ARV1: variants seen among roughly 807,000 people sequenced by gnomAD.
ARV1 encodes ARV1 fatty acid homeostasis modulator.
A neutral mutation model predicts 31.1 loss-of-function variants in ARV1; 26 were observed. The ratio of observed to expected loss-of-function variants is 0.84; its 90% confidence interval spans 0.61 to 1.16. The LOEUF is 1.16. Ranked by LOEUF, ARV1 falls within the 50% of genes most tolerant of loss-of-function variation. The pLI is 0.00. For missense variants in ARV1, 281 were observed against 324.9 expected (o/e 0.86, Z 1.04); for synonymous variants, 117 against 123.2 (o/e 0.95, Z 0.34).
chr1:230,980,763 CAA>C (rs35414845), intron 1 of ARV1, among the ~76,000 whole-genome samples: 27 of 138,492 alleles, frequency 1.9e-4, no homozygotes, highest in Admixed American at 3.6e-4. Flanking sequence ...CTTCTTCCAT[CAA>C]AAAAAAAAAA....
chr1:230,989,702 A>G (rs529636231), intron 2 of ARV1, among the ~76,000 whole-genome samples: 26 of 152,336 alleles, frequency 1.7e-4, no homozygotes, highest in African/African-American at 5.5e-4. Context: ...GTTCCCACAT[A>G]TACATGAATC....
intron 1 of ARV1, among the ~76,000 whole-genome samples, chr1:230,980,498 G>A (rs1204843586): frequency 6.6e-6 from 1 of 151,700 alleles, no homozygotes; most frequent in African/African-American, 2.4e-5. Flanking sequence ...CACCACGCCG[G>A]GCTAATTTTT....
intron 2 of ARV1, among the ~76,000 whole-genome samples, chr1:230,988,806 ATG>A (rs1679150632): frequency 6.6e-6 from 1 of 152,248 alleles, no homozygotes; most frequent in Non-Finnish European, 1.5e-5. Flanking sequence ...TAAAAGAAAA[ATG>A]TTTTTTTAAA....
At position 231,000,568 on chromosome 1, in the gene ARV1, T is replaced by C. The variant is rs1355144306; in HGVS notation, c.*435T>C. 2.6e-5 allele frequency: 4 copies of C among 152,262 alleles called. No individual in the cohort carries two copies. The highest frequency in any genetic ancestry group is 4.4e-5 in the Non-Finnish European group (3 of 68,044). 9.4% of individuals were successfully genotyped at this position (152,262 alleles called of 1,614,324 possible). ...TTTGTGTTCTTACAATAGAAACGCT[T>C]TTAATAAAGTCTTTCAGAATAAACC... On this transcript the variant is annotated 3_prime_UTR_variant, in exon 6 of 6. Transcript: ENST00000310256.
At chr1:230,986,686 T>C (rs1679085563) in intron 1 of ARV1, among the ~76,000 whole-genome samples, 1 of 121,464 alleles carries the variant, frequency 8.2e-6, no homozygotes, top group Admixed American at 8.4e-5. Context: ...TTTTTTTTTT[T>C]TTTTTTTTTT....
chr1:230,992,726 T>C (rs1213478032), intron 3 of ARV1, among the ~76,000 whole-genome samples: 1 of 152,238 alleles, frequency 6.6e-6, no homozygotes, highest in Non-Finnish European at 1.5e-5. Flanking sequence ...CACTATTCAT[T>C]ATTATTCATT....
In ARV1 at chr1:230,993,919, T is replaced by A. The variant is rs551639144; in HGVS notation, c.449-1841T>A. On this transcript the variant is annotated intron_variant, in intron 3 of 5. Transcript: ENST00000310256. ...CAAAAAACTAAAAGAATATCTTACA[T>A]AAATAAAGCATTTTATAATTTAAAA... is the stretch of plus-strand genomic sequence containing the variant. Among the ~76,000 whole-genome samples, 3 of 152,310 alleles carry A rather than the reference T, an allele frequency of 2.0e-5. No homozygotes were observed. The East Asian group carries it at 5.8e-4, about 29-fold the overall frequency.
intron 3 of ARV1, 69 bp downstream of exon 3, chr1:230,990,332 A>G (rs1368788115): frequency 3.8e-6 from 6 of 1,565,250 alleles, no homozygotes; most frequent in African/African-American, 1.4e-5. Context: ...TAAAACTAAG[A>G]CATGTAGTCT....
intron 1 of ARV1, among the ~76,000 whole-genome samples, chr1:230,980,383 C>T (rs1189407830): frequency 6.6e-6 from 1 of 151,940 alleles, no homozygotes; most frequent in African/African-American, 2.4e-5. Context: ...GTCACCCAGG[C>T]TGGAGTGCAG....
intron 4 of ARV1, among the ~76,000 whole-genome samples, chr1:230,996,454 T>C (rs561394873): frequency 6.6e-6 from 1 of 152,292 alleles, no homozygotes; most frequent in Non-Finnish European, 1.5e-5. Context: ...TTTTATTTTA[T>C]TTATTTTTTT....
intron 1 of ARV1, among the ~76,000 whole-genome samples, chr1:230,982,772 T>C (rs1487243327): frequency 6.6e-6 from 1 of 152,102 alleles, no homozygotes; most frequent in African/African-American, 2.4e-5. Flanking sequence ...CATGAAGCAA[T>C]GAATTATTTT....
At position 230,979,168 on chromosome 1, in the gene ARV1, G is replaced by A; in HGVS notation, c.63G>A (p.Ala21=). Reference sequence around the variant, plus strand: ...AGGGGAACGTGGATGGGGTGGCAGCGACTCCTACTGCTGCCTCGGCCTCCT... The same window carrying A: ...AGGGGAACGTGGATGGGGTGGCAGCAACTCCTACTGCTGCCTCGGCCTCCT... ...QGKGNVDGVA[A]TPTAASASCQ... Residue 21 remains alanine, a synonymous_variant, in exon 1 of 6, where the codon GCG becomes GCA. Coordinates refer to ENST00000310256, the MANE Select transcript of ARV1 (RefSeq NM_022786.3). 1 of 1,613,168 alleles carries A rather than the reference G, an allele frequency of 6.2e-7. No individual in the cohort carries two copies. Among genetic ancestry groups the A allele is most frequent in the Non-Finnish European group, 8.5e-7 (1 of 1,179,700 alleles).
chr1:230,995,592 A>G (rs957810150), intron 3 of ARV1, among the ~76,000 whole-genome samples, 168 bp from the exon 4 acceptor site: 1 of 149,858 alleles, frequency 6.7e-6, no homozygotes, highest in Non-Finnish European at 1.5e-5. Context: ...TAAAAAAAAA[A>G]AACAACACAC....
At chr1:230,989,200 G>A (rs1033096112) in intron 2 of ARV1, among the ~76,000 whole-genome samples, 8 of 152,096 alleles carry the variant, frequency 5.3e-5, no homozygotes, top group African/African-American at 1.2e-4. Context: ...GTGCAGTGGC[G>A]TGATCTCGGC....
chr1:230,995,789 A>G lies in ARV1; in HGVS notation c.478A>G (p.Thr160Ala). 6.2e-7 allele frequency: 1 copy of G among 1,613,498 alleles called. No individual in the cohort carries two copies. Among genetic ancestry groups the G allele is most frequent in the Non-Finnish European group, 8.5e-7 (1 of 1,179,780 alleles). ...EQTAYFIGIF[T>A]FLWVERPMTA... The stretch of plus-strand genomic sequence containing the variant: ...AACTGCCTATTTTATTGGCATTTTT[A>G]CCTTCCTGTGGGTAGAACGGCCCAT... The change falls in exon 4 of 6, where the codon ACC becomes GCC. Residue 160 changes from threonine to alanine, a missense_variant. By Grantham distance (58) the Thr-to-Ala change is moderately conservative. Transcript: ENST00000310256.
intron 3 of ARV1, among the ~76,000 whole-genome samples, chr1:230,994,318 G>A (rs1264917789): frequency 6.6e-6 from 1 of 152,212 alleles, no homozygotes; most frequent in East Asian, 1.9e-4. Context: ...TGTCTCCAGT[G>A]ACAGGAGTCA....
At chr1:230,984,774 G>C (rs200877277) in intron 1 of ARV1, among the ~76,000 whole-genome samples, 1 of 139,258 alleles carries the variant, frequency 7.2e-6, no homozygotes, top group African/African-American at 2.6e-5. Flanking sequence ...GAAGAGCAAC[G>C]GTACCAGGTG....
At chr1:230,980,121 A>C (rs1678818525) in intron 1 of ARV1, among the ~76,000 whole-genome samples, 2 of 152,192 alleles carry the variant, frequency 1.3e-5, no homozygotes, top group Admixed American at 1.3e-4. Context: ...TGCCAACCAC[A>C]TAACGTTCTG....
intron 1 of ARV1, among the ~76,000 whole-genome samples, chr1:230,980,142 C>T (rs779970678): frequency 5.9e-5 from 9 of 152,068 alleles, no homozygotes; most frequent in Non-Finnish European, 1.2e-4. Context: ...ATGCATACAA[C>T]CTCAATTTCC....
Sources: gnomAD v4.1 joint callset for allele counts (sites outside exome capture counted in the v4.1 genomes callset) on GRCh38, gnomAD v4.1.1 for gene constraint, MANE v1.5 for transcripts, NCBI Gene and HGNC (gene_info 2026-07-23, HGNC 2026-07-21) for gene names.